FHOD3: variants seen among roughly 807,000 people sequenced by gnomAD.
FHOD3 encodes the protein formin homology 2 domain containing 3.
FHOD3 carries 90 observed loss-of-function variants against 173.0 expected under a neutral mutation model. The ratio of observed to expected loss-of-function variants is 0.52; its 90% CI spans 0.44 to 0.62. The LOEUF is 0.62. FHOD3 is among the 20% of genes least tolerant of loss of function. The pLI, the probability that FHOD3 is intolerant of heterozygous loss-of-function variation, is 0.00. For missense variants in FHOD3, 1,945 were observed against 2,034.7 expected (o/e 0.96, Z 0.85); for synonymous variants, 828 against 823.0 (o/e 1.01, Z -0.10).
At chr18:36,625,380 A>G in intron 9 of FHOD3, 131 bp from the exon 10 acceptor site, 1 of 748,878 alleles carries the variant, frequency 1.3e-6, no homozygotes, top group African/African-American at 1.8e-5. Context: ...CTGGCAGGGA[A>G]GCTGAGGCGT....
chr18:36,693,573 G>A (rs1207105588), intron 17 of FHOD3, 150 bp downstream of exon 17: 26 of 718,330 alleles, frequency 3.6e-5, no homozygotes, highest in Middle Eastern at 4.0e-4. Flanking sequence ...GACTGCAACT[G>A]CCTGGTCACT....
intron 27 of FHOD3, 116 bp from the exon 28 acceptor site, chr18:36,769,148 TG>T: frequency 8.2e-7 from 1 of 1,215,768 alleles, no homozygotes; most frequent in Non-Finnish European, 1.2e-6. Context: ...GCTTTAACTC[TG>T]GCCTTCCCTG....
At chr18:36,678,490 T>A (rs1231322570) in intron 14 of FHOD3, among the ~76,000 whole-genome samples, 3 of 124,834 alleles carry the variant, frequency 2.4e-5, no homozygotes, top group African/African-American at 9.6e-5. Flanking sequence ...TGAGCCATGA[T>A]CATTCTGGCC....
chr18:36,408,315 GAC>G (rs1440182721), intron 3 of FHOD3, among the ~76,000 whole-genome samples: 1 of 152,248 alleles, frequency 6.6e-6, no homozygotes, highest in Non-Finnish European at 1.5e-5. Context: ...AACCTGGTGA[GAC>G]ACAGTCTCAG....
chr18:36,324,733 G>A (rs201817993), intron 1 of FHOD3, among the ~76,000 whole-genome samples: 3 of 152,230 alleles, frequency 2.0e-5, no homozygotes, highest in South Asian at 4.2e-4. Context: ...GAAAAGCTGC[G>A]GAACAAAAAG....
At chr18:36,599,976 G>C (rs1003114245) in intron 7 of FHOD3, among the ~76,000 whole-genome samples, 4 of 151,546 alleles carry the variant, frequency 2.6e-5, no homozygotes, top group African/African-American at 9.7e-5. Context: ...GGGGGTGGGG[G>C]GCAGTGGAGT....
At chr18:36,477,089 C>A (rs1012657152) in intron 3 of FHOD3, among the ~76,000 whole-genome samples, 2 of 152,042 alleles carry the variant, frequency 1.3e-5, no homozygotes, top group African/African-American at 4.8e-5. Flanking sequence ...ATGGCAGGTC[C>A]TTGAAGGTGT....
chr18:36,354,806 CA>C (rs879374185), intron 1 of FHOD3, among the ~76,000 whole-genome samples: 192 of 126,986 alleles, frequency 1.5e-3, no homozygotes, highest in Non-Finnish European at 1.6e-3. Flanking sequence ...ACTCTGTCGC[CA>C]AAAAAAAAAA....
At chr18:36,364,065 A>G (rs1233171497) in intron 2 of FHOD3, among the ~76,000 whole-genome samples, 3 of 152,116 alleles carry the variant, frequency 2.0e-5, no homozygotes, top group Non-Finnish European at 4.4e-5. Flanking sequence ...ATGCCCTACC[A>G]TCCTTAGGAT....
intron 1 of FHOD3, among the ~76,000 whole-genome samples, chr18:36,340,894 C>T (rs113857964): frequency 3.3e-5 from 5 of 152,154 alleles, no homozygotes; most frequent in African/African-American, 1.2e-4. Flanking sequence ...GCCTCGGTCT[C>T]CCAAAGTGCT....
At chr18:36,693,118 G>A (rs900755235) in intron 16 of FHOD3, 91 bp from the exon 17 acceptor site, 320 of 1,302,296 alleles carry the variant, frequency 2.5e-4, no homozygotes, top group Non-Finnish European at 3.3e-4. Context: ...TCAGGAAACC[G>A]GCTCATTCTG....
chr18:36,588,954 C>A (rs1238279264), intron 6 of FHOD3, among the ~76,000 whole-genome samples: 2 of 152,164 alleles, frequency 1.3e-5, no homozygotes, highest in South Asian at 2.1e-4. Flanking sequence ...TGACATTGAG[C>A]CCTGTGTTAT....
intron 1 of FHOD3, among the ~76,000 whole-genome samples, chr18:36,304,156 A>G (rs2092029874): frequency 6.6e-6 from 1 of 152,248 alleles, no homozygotes; most frequent in Non-Finnish European, 1.5e-5. Context: ...TCACTTGAAC[A>G]TGTGAGCAGT....
intron 1 of FHOD3, among the ~76,000 whole-genome samples, chr18:36,311,945 G>A (rs1187769655): frequency 1.3e-5 from 2 of 152,096 alleles, no homozygotes; most frequent in Non-Finnish European, 2.9e-5. Flanking sequence ...AGCCTCTTTT[G>A]TCCAGAAAGT....
At chr18:36,717,691 G>A in intron 18 of FHOD3, 141 bp from the exon 19 acceptor site, 3 of 1,368,528 alleles carry the variant, frequency 2.2e-6, no homozygotes, top group Non-Finnish European at 2.9e-6. Context: ...AGAGCGCCTT[G>A]TCAGCCACGG....
chr18:36,345,145 T>C (rs2145563078), intron 1 of FHOD3, among the ~76,000 whole-genome samples: 1 of 152,288 alleles, frequency 6.6e-6, no homozygotes, highest in African/African-American at 2.4e-5. Context: ...TGCATTATTT[T>C]CATGTATTGG....
chr18:36,758,983 G>A (rs2042753277), intron 25 of FHOD3, 135 bp from the exon 26 acceptor site: 2 of 923,298 alleles, frequency 2.2e-6, no homozygotes, highest in Non-Finnish European at 3.4e-6. Context: ...TCAAGAGGAT[G>A]TATCCTGGTT....
chr18:36,571,679 TG>T (rs2058457308), intron 5 of FHOD3, among the ~76,000 whole-genome samples: 1 of 152,202 alleles, frequency 6.6e-6, no homozygotes, highest in African/African-American at 2.4e-5. Context: ...GACAGACCAA[TG>T]GGACAGAAAC....
intron 3 of FHOD3, among the ~76,000 whole-genome samples, chr18:36,413,791 T>C (rs2049482030): frequency 6.6e-6 from 1 of 152,226 alleles, no homozygotes; most frequent in Admixed American, 6.5e-5. Flanking sequence ...CCATTTTAAG[T>C]GTACATTTCA....
Sources: allele counts gnomAD v4.1 joint callset (sites outside exome capture counted in the v4.1 genomes callset), GRCh38; gene constraint gnomAD v4.1.1; transcripts MANE v1.5; gene names NCBI Gene and HGNC (gene_info 2026-07-23, HGNC 2026-07-21).